The following CNTNAP5 variants were observed in gnomAD, a reference collection of about 807,000 sequenced individuals.
CNTNAP5 encodes the protein contactin associated protein family member 5.
In CNTNAP5, 72 loss-of-function variants were observed where a neutral mutation model predicts 150.2. The observed-to-expected ratio is 0.48, with a 90% CI of 0.40 to 0.58. The LOEUF is 0.58. CNTNAP5 is among the 20% of genes least tolerant of loss of function. The pLI is 0.00. For synonymous variants in CNTNAP5, 672 were observed against 619.8 expected, an observed-to-expected ratio of 1.08 and a Z score of -1.25; for missense variants, 1,636 against 1,626.2, an observed-to-expected ratio of 1.01 and a Z score of -0.10.
At chr2:124,466,864 G>T (rs1005724215) in intron 6 of CNTNAP5, among the ~76,000 whole-genome samples, 2 of 152,104 alleles carry the variant, frequency 1.3e-5, no homozygotes, top group Admixed American at 1.3e-4. Flanking sequence ...GCCAAATAAT[G>T]AAATATTCTA....
chr2:124,355,611 G>T (rs1689978997), intron 3 of CNTNAP5, among the ~76,000 whole-genome samples: 1 of 152,084 alleles, frequency 6.6e-6, no homozygotes. Context: ...GAGCCCAGAG[G>T]TTCAACTTTC....
At chr2:124,618,929 G>A (rs897438653) in intron 12 of CNTNAP5, among the ~76,000 whole-genome samples, 1 of 152,054 alleles carries the variant, frequency 6.6e-6, no homozygotes. Context: ...ATGGCACTAA[G>A]GTTAGAATGA....
At chr2:124,068,152 C>T (rs1682210597) in intron 1 of CNTNAP5, among the ~76,000 whole-genome samples, 1 of 151,494 alleles carries the variant, frequency 6.6e-6, no homozygotes, top group Non-Finnish European at 1.5e-5. Context: ...ATCACACTAC[C>T]TATATCTTTC....
At chr2:124,852,852 G>A (rs1683185236) in intron 19 of CNTNAP5, among the ~76,000 whole-genome samples, 1 of 152,162 alleles carries the variant, frequency 6.6e-6, no homozygotes, top group African/African-American at 2.4e-5. Context: ...ATGTATAGGG[G>A]TTCTGGTCAA....
rs563427880 is a variant in CNTNAP5 at position 124,263,511 on chromosome 2, T to C, written c.381+21118T>C. Among the ~76,000 whole-genome samples the C allele has an allele frequency of 8.5e-5, 13 of 152,144 alleles. No homozygotes were observed. The South Asian group carries it at 2.7e-3, about 32-fold the overall frequency. ...TTTGATGGGATTGTTTTTTTTCTTG[T>C]AAATTTGTTTGAGTTCTTTGTAGAT... On this transcript the variant is annotated intron_variant, in intron 3 of 23. Transcript: ENST00000682447.
At chr2:124,502,973 C>T (rs566363959) in intron 7 of CNTNAP5, among the ~76,000 whole-genome samples, 5 of 152,240 alleles carry the variant, frequency 3.3e-5, no homozygotes, top group East Asian at 1.9e-4. Context: ...TAATACATTA[C>T]GGCATTGTTG....
chr2:124,720,668 C>A (rs141912381), intron 13 of CNTNAP5, among the ~76,000 whole-genome samples: 146 of 152,244 alleles, frequency 9.6e-4, no homozygotes, highest in Middle Eastern at 6.8e-3. Context: ...TCTGAATGAG[C>A]CTTGCTGAGA....
At chr2:124,039,855 A>G in intron 1 of CNTNAP5, among the ~76,000 whole-genome samples, 1 of 98,858 alleles carries the variant, frequency 1.0e-5, no homozygotes, top group South Asian at 2.6e-4. Context: ...ATGCACACAT[A>G]TATATGCATG....
intron 3 of CNTNAP5, among the ~76,000 whole-genome samples, chr2:124,379,296 C>G (rs1690729467): frequency 1.3e-5 from 2 of 152,152 alleles, no homozygotes; most frequent in African/African-American, 4.8e-5. Context: ...GACAGTGTAT[C>G]TGCACTACCC....
chr2:124,709,522 T>C (rs1215291814), intron 13 of CNTNAP5, among the ~76,000 whole-genome samples: 2 of 152,144 alleles, frequency 1.3e-5, no homozygotes, highest in South Asian at 2.1e-4. Context: ...TTGGTTCAAA[T>C]GGGAAGTAAA....
intron 13 of CNTNAP5, among the ~76,000 whole-genome samples, chr2:124,675,819 C>T (rs1010820898): frequency 5.9e-5 from 9 of 152,002 alleles, no homozygotes; most frequent in Non-Finnish European, 8.8e-5. Flanking sequence ...ATATTTATGA[C>T]AGCTGATTTA....
chr2:124,375,542 A>G (rs1336990754), intron 3 of CNTNAP5, among the ~76,000 whole-genome samples: 1 of 152,170 alleles, frequency 6.6e-6, no homozygotes, highest in Non-Finnish European at 1.5e-5. Flanking sequence ...CCACATGGTA[A>G]TTAATGCAAT....
At chr2:124,792,463 G>A (rs112649429) in intron 18 of CNTNAP5, among the ~76,000 whole-genome samples, 2,106 of 152,098 alleles carry the variant, frequency 0.014, 49 homozygotes, top group African/African-American at 0.048. Context: ...ATGGTAATAG[G>A]ATTCCATCGT....
chr2:124,473,729 G>T (rs965963926), intron 6 of CNTNAP5, among the ~76,000 whole-genome samples: 2 of 151,928 alleles, frequency 1.3e-5, no homozygotes, highest in Admixed American at 6.6e-5. Context: ...GGAAAAAACT[G>T]CATTTCTCAT....
intron 1 of CNTNAP5, among the ~76,000 whole-genome samples, chr2:124,075,599 T>C (rs534425293): frequency 1.3e-5 from 2 of 152,306 alleles, no homozygotes; most frequent in South Asian, 2.1e-4. Context: ...TTCATTTCTT[T>C]GCTGCACTTT....
At chr2:124,296,892 CA>C (rs1345011811) in intron 3 of CNTNAP5, among the ~76,000 whole-genome samples, 1 of 152,208 alleles carries the variant, frequency 6.6e-6, no homozygotes, top group East Asian at 1.9e-4. Flanking sequence ...TGCCACTCAA[CA>C]GTCCCCAGCC....
At chr2:124,235,936 CCCACTTAT>C (rs1293712896) in intron 2 of CNTNAP5, among the ~76,000 whole-genome samples, 58 of 135,688 alleles carry the variant, frequency 4.3e-4, no homozygotes, top group African/African-American at 1.8e-3. Flanking sequence ...TTGGCAAGTT[CCCACTTAT>C]TTATTTATTT....
At chr2:124,827,996 C>T (rs1302404496) in intron 19 of CNTNAP5, among the ~76,000 whole-genome samples, 1 of 152,170 alleles carries the variant, frequency 6.6e-6, no homozygotes, top group Non-Finnish European at 1.5e-5. Flanking sequence ...CTCCAAGCTG[C>T]TCTTCCTTTG....
intron 1 of CNTNAP5, among the ~76,000 whole-genome samples, chr2:124,109,801 A>C (rs1222890752): frequency 6.6e-6 from 1 of 152,214 alleles, no homozygotes; most frequent in East Asian, 1.9e-4. Context: ...ACCAGGAAGA[A>C]AGTAAAATAT....
Sources: allele counts gnomAD v4.1 joint callset (sites outside exome capture counted in the v4.1 genomes callset), GRCh38; gene constraint gnomAD v4.1.1; transcripts MANE v1.5; gene names NCBI Gene and HGNC (gene_info 2026-07-23, HGNC 2026-07-21).